NLGN4X: variants seen among roughly 807,000 people sequenced by gnomAD.
NLGN4X encodes the protein neuroligin 4 X-linked.
Under a neutral mutation model 40.3 loss-of-function variants are expected in NLGN4X, and 3 were observed. The ratio of observed to expected loss-of-function variants is 0.07; its 90% CI spans 0.03 to 0.19. The LOEUF is 0.19. Ranked by LOEUF, NLGN4X falls within the 10% of genes least tolerant of loss-of-function variation. NLGN4X has a pLI of 1.00. For missense variants in NLGN4X, 382 were observed against 708.3 expected, an observed-to-expected ratio of 0.54 and a Z score of 5.23; for synonymous variants, 270 against 306.8, an observed-to-expected ratio of 0.88 and a Z score of 1.25.
chrX:5,975,917 C>T (rs1039337608), intron 3 of NLGN4X, among the ~76,000 whole-genome samples: 1 of 111,401 alleles, frequency 9.0e-6, no homozygotes, highest in African/African-American at 3.3e-5. Flanking sequence ...AAAAAGTAGT[C>T]TCCTACCTGA....
At chrX:6,070,306 C>T (rs1489577668) in intron 2 of NLGN4X, among the ~76,000 whole-genome samples, 2 of 111,642 alleles carry the variant, frequency 1.8e-5, no homozygotes, top group African/African-American at 6.5e-5. Context: ...AACAAAAATG[C>T]ATATAACACT....
In NLGN4X at chrX:5,925,871, T is replaced by TAC. The variant is rs55964494; in HGVS notation, c.626-16634_626-16633dup. 7.8e-3 allele frequency among the ~76,000 whole-genome samples: 254 copies of TAC among 32,528 alleles called. 9 individuals are homozygous for TAC. The highest frequency in any genetic ancestry group is 0.02 in the Middle Eastern group (1 of 50). The allele number at this position is 32,528 out of a possible 115,157, so 28.2% of individuals were successfully genotyped here. A position where few individuals can be genotyped will look rare whatever the true frequency, so the allele number is the denominator to read the frequency against. ...ATACACATATATATATATATATATA[T>TAC]ACATACACACATATATATATATATA... is the stretch of plus-strand genomic sequence containing the variant. On this transcript the variant is annotated intron_variant, in intron 3 of 5. Transcript: ENST00000381095.
chrX:6,076,515 C>T (rs1255195577), intron 2 of NLGN4X, among the ~76,000 whole-genome samples: 1 of 111,688 alleles, frequency 9.0e-6, no homozygotes, highest in Admixed American at 9.5e-5. Context: ...CATGAAAGGA[C>T]ATATTTTACA....
At chrX:5,958,782 T>C (rs1194504888) in intron 3 of NLGN4X, among the ~76,000 whole-genome samples, 1 of 112,057 alleles carries the variant, frequency 8.9e-6, no homozygotes, top group Non-Finnish European at 1.9e-5. Context: ...AGAAACCAGG[T>C]TGCAGAAAAT....
chrX:5,902,952 G>T, intron 5 of NLGN4X, 125 bp downstream of exon 5: 1 of 748,952 alleles, frequency 1.3e-6, no homozygotes, highest in Non-Finnish European at 2.1e-6. Context: ...GTGTATGTGT[G>T]TGCATGCATG....
chrX:5,964,355 T>C (rs2034756191), intron 3 of NLGN4X, among the ~76,000 whole-genome samples: 1 of 112,073 alleles, frequency 8.9e-6, no homozygotes, highest in Non-Finnish European at 1.9e-5. Context: ...GTGGTATTTA[T>C]TCTATTCATA....
chrX:6,131,999 AT>A (rs962534768), intron 2 of NLGN4X, among the ~76,000 whole-genome samples: 2 of 111,704 alleles, frequency 1.8e-5, no homozygotes, highest in African/African-American at 6.5e-5. Flanking sequence ...CCTTGCCTCC[AT>A]TCCCAGTAAC....
chrX:5,966,352 A>T (rs892403826), intron 3 of NLGN4X, among the ~76,000 whole-genome samples: 4 of 112,346 alleles, frequency 3.6e-5, no homozygotes, highest in Admixed American at 1.9e-4. Flanking sequence ...CACTTAGTAA[A>T]TTCATCACTT....
chrX:6,100,295 C>T (rs1382926225), intron 2 of NLGN4X, among the ~76,000 whole-genome samples: 1 of 112,516 alleles, frequency 8.9e-6, no homozygotes, highest in Non-Finnish European at 1.9e-5. Context: ...GAACATGTCA[C>T]AGTGCTGCAG....
chrX:6,050,416 C>T (rs1450178698), intron 2 of NLGN4X, among the ~76,000 whole-genome samples: 1 of 111,120 alleles, frequency 9.0e-6, no homozygotes, highest in East Asian at 2.8e-4. Flanking sequence ...GTCTATTCAT[C>T]TCTATCTAAA....
chrX:5,910,056 T>C (rs1255840720), intron 3 of NLGN4X, among the ~76,000 whole-genome samples: 1 of 111,735 alleles, frequency 8.9e-6, no homozygotes, highest in East Asian at 2.8e-4. Flanking sequence ...AAAATGGCAA[T>C]TTTGGTATTA....
At position 5,980,294 on chromosome X, in the gene NLGN4X, T is replaced by G. The variant is rs555003982; in HGVS notation, c.625+48986A>C. The stretch of plus-strand genomic sequence containing the variant: ...ACAATACCTTCATCCGATATTTAAT[T>G]TGCCTATCTTACCTCCCAGTTTGTG... On this transcript the variant is annotated intron_variant, in intron 3 of 5. Transcript: ENST00000381095. Among the ~76,000 whole-genome samples the G allele has an allele frequency of 2.7e-4, 30 of 109,634 alleles. No homozygotes were observed. The South Asian group carries it at 0.011, about 42-fold the overall frequency.
intron 3 of NLGN4X, among the ~76,000 whole-genome samples, chrX:5,939,801 A>AT (rs1191652840): frequency 8.9e-6 from 1 of 111,978 alleles, no homozygotes; most frequent in East Asian, 2.8e-4. Flanking sequence ...AACACCTAAA[A>AT]TAATGTGGTT....
At chrX:6,154,921 T>C (rs1210704394) in intron 1 of NLGN4X, among the ~76,000 whole-genome samples, 3 of 111,917 alleles carry the variant, frequency 2.7e-5, no homozygotes, top group Non-Finnish European at 5.6e-5. Flanking sequence ...TTTAAAGTGT[T>C]CTGAATAAAA....
At chrX:6,095,319 A>G (rs2147466598) in intron 2 of NLGN4X, among the ~76,000 whole-genome samples, 1 of 111,766 alleles carries the variant, frequency 8.9e-6, no homozygotes, top group Non-Finnish European at 1.9e-5. Flanking sequence ...CTGCTGGAAA[A>G]CAATAGTTGC....
At chrX:6,025,556 C>T (rs1215418956) in intron 3 of NLGN4X, among the ~76,000 whole-genome samples, 1 of 111,775 alleles carries the variant, frequency 8.9e-6, no homozygotes, top group Non-Finnish European at 1.9e-5. Flanking sequence ...ATAATGGTTG[C>T]TGCTGAGAGC....
chrX:6,019,235 G>T (rs1298719371), intron 3 of NLGN4X, among the ~76,000 whole-genome samples: 1 of 112,075 alleles, frequency 8.9e-6, no homozygotes, highest in South Asian at 3.7e-4. Flanking sequence ...TATCACTGCT[G>T]TCATGCATGT....
Position 6,037,684 on chromosome X carries a change from T to C in NLGN4X, c.473-8252A>G, listed in dbSNP as rs139893441. Among the ~76,000 whole-genome samples the C allele has an allele frequency of 3.4e-3, 366 of 106,820 alleles. 1 individual carries two copies. Among genetic ancestry groups the C allele is most frequent in the African/African-American group, 0.01 (298 of 29,043 alleles). The allele number at this position is 106,820 out of a possible 115,157, so 92.8% of individuals were successfully genotyped here. On this transcript the variant is annotated intron_variant, in intron 2 of 5. Transcript: ENST00000381095. Reference sequence around the variant, plus strand: ...GCAAGGTTAATTTTCAACTTAGTCTTGTTAAGTAGAGAAAGAGACTTTTTA... The same window carrying C: ...GCAAGGTTAATTTTCAACTTAGTCTCGTTAAGTAGAGAAAGAGACTTTTTA...
chrX:6,134,104 T>C (rs1467263822), intron 2 of NLGN4X, among the ~76,000 whole-genome samples: 1 of 111,199 alleles, frequency 9.0e-6, no homozygotes, highest in African/African-American at 3.3e-5. Flanking sequence ...TAAATACTTG[T>C]CCTGGTTGAG....
Sources: gnomAD v4.1 joint callset for allele counts (sites outside exome capture counted in the v4.1 genomes callset) on GRCh38, gnomAD v4.1.1 for gene constraint, MANE v1.5 for transcripts, NCBI Gene and HGNC (gene_info 2026-07-23, HGNC 2026-07-21) for gene names.